Variants in MYLK4 observed in about 807,000 individuals in gnomAD.
MYLK4 encodes caMLCK like.
Under a neutral mutation model 48.1 loss-of-function variants are expected in MYLK4, and 46 were observed. The observed-to-expected ratio is 0.96, with a 90% CI of 0.75 to 1.22. The LOEUF is 1.22. Among genes scored for constraint, MYLK4 ranks in the 50% most tolerant of loss-of-function variants. The probability of loss-of-function intolerance (pLI) is 0.00; values close to 1 mark genes in which losing one functional copy is unlikely to be tolerated. For missense variants in MYLK4, 451 were observed against 486.1 expected, an observed-to-expected ratio of 0.93 and a Z score of 0.68; for synonymous variants, 170 against 180.8, an observed-to-expected ratio of 0.94 and a Z score of 0.48.
intron 2 of MYLK4, among the ~76,000 whole-genome samples, chr6:2,725,678 T>A (rs542361629): frequency 1.3e-5 from 2 of 149,342 alleles, no homozygotes; most frequent in East Asian, 3.9e-4. Flanking sequence ...AGAAAAATTT[T>A]AAAAAGAATA....
At chr6:2,731,442 C>T (rs1479074201) in intron 2 of MYLK4, among the ~76,000 whole-genome samples, 1 of 152,238 alleles carries the variant, frequency 6.6e-6, no homozygotes, top group South Asian at 2.1e-4. Flanking sequence ...TCTGCCTGGC[C>T]GCATTCCTTC....
At chr6:2,765,831 A>C in the MYLK4 span, 1 of 1,367,244 alleles carries the variant, frequency 7.3e-7, no homozygotes, top group Non-Finnish European at 9.4e-7. Flanking sequence ...CCCGGCGCCA[A>C]GAGGCGGCGG....
At chr6:2,766,734 C>T in the MYLK4 span, among the ~76,000 whole-genome samples, 7 of 152,162 alleles carry the variant, frequency 4.6e-5, no homozygotes, top group Admixed American at 1.3e-4. Context: ...ATTTGATCTG[C>T]CTTTATCTTC....
chr6:2,668,771 T>TTTA (rs1561825319), intron 12 of MYLK4, among the ~76,000 whole-genome samples: 64 of 152,284 alleles, frequency 4.2e-4, no homozygotes, highest in African/African-American at 1.4e-3. Flanking sequence ...TTATTTATTT[T>TTTA]TTTAAGTAAG....
chr6:2,738,471 G>T (rs994458684), intron 2 of MYLK4, among the ~76,000 whole-genome samples: 1 of 152,336 alleles, frequency 6.6e-6, no homozygotes, highest in African/African-American at 2.4e-5. Flanking sequence ...CTGTGTCTAC[G>T]AACAGAGAGC....
intron 2 of MYLK4, among the ~76,000 whole-genome samples, chr6:2,716,597 G>A (rs1762874500): frequency 6.6e-6 from 1 of 152,184 alleles, no homozygotes; most frequent in African/African-American, 2.4e-5. Flanking sequence ...ATGCTCAGAG[G>A]AGTAAGACAG....
At chr6:2,734,425 C>T (rs1425113110) in intron 2 of MYLK4, among the ~76,000 whole-genome samples, 5 of 152,162 alleles carry the variant, frequency 3.3e-5, no homozygotes, top group African/African-American at 7.2e-5. Context: ...CCACTTCACA[C>T]GTCCTCTCAC....
rs185781748 is a variant in MYLK4 at position 2,728,535 on chromosome 6, C to T, written c.159+20601G>A. ...CATCTCCTGCCACTTCCTGTTTTAC[C>T]CCATGTGCTTGCTGGTCCCTGAATT... On this transcript the variant is annotated intron_variant, in intron 2 of 12. Coordinates refer to ENST00000274643, the MANE Select transcript of MYLK4 (RefSeq NM_001012418.5). 2.2e-3 allele frequency among the ~76,000 whole-genome samples: 342 copies of T among 152,306 alleles called. 2 individuals are homozygous for T. The highest frequency in any genetic ancestry group is 4.3e-3 in the Admixed American group (66 of 15,308).
chr6:2,731,003 C>T (rs1332777745), intron 2 of MYLK4, among the ~76,000 whole-genome samples: 6 of 151,950 alleles, frequency 3.9e-5, no homozygotes, highest in Non-Finnish European at 7.4e-5. Flanking sequence ...TTATAAACCA[C>T]GAAAGACCTT....
rs1015795937 is a variant in MYLK4 at position 2,685,715 on chromosome 6, C to A, written c.342-139G>T. The A allele has an allele frequency of 7.4e-6, 5 of 672,912 alleles. No individual in the cohort carries two copies. Among genetic ancestry groups the A allele is most frequent in the South Asian group, 5.5e-5 (3 of 54,470 alleles). 41.7% of individuals were successfully genotyped at this position (672,912 alleles called of 1,614,324 possible). On this transcript the variant is annotated intron_variant, in intron 4 of 12. Coordinates refer to ENST00000274643, the MANE Select transcript of MYLK4 (RefSeq NM_001012418.5). This position sits in a 1 kb window ranked among gnomAD's most constrained non-coding sequence, Gnocchi z 4.5. The stretch of plus-strand genomic sequence containing the variant: ...GAGTTCTTTCAGTAAACTTCTAGAG[C>A]AGTATTTGTCAACATGTGGTGTGTG...
chr6:2,716,751 T>G (rs1582088015), intron 2 of MYLK4, among the ~76,000 whole-genome samples: 2 of 152,260 alleles, frequency 1.3e-5, no homozygotes, highest in East Asian at 3.8e-4. Context: ...TTGGACAAGC[T>G]ATACCTTTCT....
upstream of MYLK4, among the ~76,000 whole-genome samples, chr6:2,752,009 T>C (rs1315858906): frequency 6.6e-6 from 1 of 152,186 alleles, no homozygotes. Context: ...TTAAATTGTG[T>C]AGAAGTACTG....
At chr6:2,744,037 T>A in intron 2 of MYLK4, 1 of 399,044 alleles carries the variant, frequency 2.5e-6, no homozygotes, top group African/African-American at 2.1e-5. Context: ...TGAAGTCCAT[T>A]CTTTGGGAGC....
intron 2 of MYLK4, among the ~76,000 whole-genome samples, chr6:2,741,102 C>CAAT (rs1554133226): frequency 4.7e-4 from 1 of 2,130 alleles, no homozygotes; most frequent in Non-Finnish European, 1.4e-3. Flanking sequence ...TTAAATGACT[C>CAAT]ATATGAAAAA....
At chr6:2,698,146 A>G (rs1448168867) in intron 2 of MYLK4, among the ~76,000 whole-genome samples, 1 of 152,200 alleles carries the variant, frequency 6.6e-6, no homozygotes, top group African/African-American at 2.4e-5. Context: ...TCTTTTTAAA[A>G]CTGTTGCAAA....
the MYLK4 span, among the ~76,000 whole-genome samples, chr6:2,767,777 C>CA: frequency 6.6e-6 from 1 of 152,162 alleles, no homozygotes; most frequent in African/African-American, 2.4e-5. Flanking sequence ...TACCAAATGC[C>CA]AGGCAAGAGG....
chr6:2,720,380 G>C (rs748142749), intron 2 of MYLK4, among the ~76,000 whole-genome samples: 5 of 145,788 alleles, frequency 3.4e-5, no homozygotes, highest in Non-Finnish European at 7.5e-5. Context: ...CTCCAGCCTG[G>C]AGACACAGCA....
Position 2,675,116 on chromosome 6 carries a change from T to G in MYLK4, c.1050A>C (p.Ile350=). 1 of 1,613,778 alleles carries G rather than the reference T, an allele frequency of 6.2e-7. No individual in the cohort carries two copies. Among genetic ancestry groups the G allele is most frequent in the East Asian group, 2.2e-5 (1 of 44,878 alleles). The change falls in exon 11 of 13, where the codon ATA becomes ATC. Residue 350 remains isoleucine, a synonymous_variant. Transcript: ENST00000274643. ...KLLIKEKSWR[I]SASEALKHPW... ...GGTGCTTGAGAGCTTCGCTTGCACT[T>G]ATTCGCCAACTAGAAGGAAATTCAG...
chr6:2,736,228 T>C (rs761669556), intron 2 of MYLK4, among the ~76,000 whole-genome samples: 3 of 152,256 alleles, frequency 2.0e-5, no homozygotes, highest in Admixed American at 6.5e-5. Flanking sequence ...CCCGTGTGCT[T>C]GCTTTAAAAT....
Sources: allele counts gnomAD v4.1 joint callset (sites outside exome capture counted in the v4.1 genomes callset), GRCh38; gene constraint gnomAD v4.1.1; non-coding constraint Gnocchi (gnomAD v3.1); transcripts MANE v1.5; gene names NCBI Gene and HGNC (gene_info 2026-07-23, HGNC 2026-07-21).